The following EXD1 variants were observed in gnomAD, a reference collection of about 807,000 sequenced individuals.
EXD1 encodes the protein exonuclease 3'-5' domain containing 1, also known as piRNA biogenesis protein EXD1.
Under a neutral mutation model 49.1 loss-of-function variants are expected in EXD1, and 63 were observed. That is an observed-to-expected ratio of 1.28 (90% CI 1.05 to 1.58). The LOEUF (loss-of-function observed/expected upper bound fraction) is 1.58. Ranked by LOEUF, EXD1 falls within the 40% of genes most tolerant of loss-of-function variation. The pLI, the probability that EXD1 is intolerant of heterozygous loss-of-function variation, is 0.00. For missense variants in EXD1, 748 were observed against 666.0 expected, an observed-to-expected ratio of 1.12 and a Z score of -1.36; for synonymous variants, 234 against 239.2, an observed-to-expected ratio of 0.98 and a Z score of 0.20.
At chr15:41,189,183 C>T (rs1279539941) in intron 11 of EXD1, among the ~76,000 whole-genome samples, 1 of 151,990 alleles carries the variant, frequency 6.6e-6, no homozygotes, top group Non-Finnish European at 1.5e-5. Flanking sequence ...GCCTGGCCAA[C>T]ATGGTAAAAC....
chr15:41,205,332 C>A (rs8038834), intron 7 of EXD1, among the ~76,000 whole-genome samples: 40,978 of 152,074 alleles, frequency 0.27, 7,446 homozygotes, highest in African/African-American at 0.51. Flanking sequence ...TTGGCAGAAT[C>A]GTGTTTTTGT....
intron 3 of EXD1, among the ~76,000 whole-genome samples, chr15:41,218,710 C>T (rs925699062): frequency 1.1e-4 from 16 of 152,110 alleles, no homozygotes; most frequent in African/African-American, 3.9e-4. Flanking sequence ...AGTGAAAACA[C>T]AATTAAGAAC....
chr15:41,216,078 G>A (rs1421409884), intron 5 of EXD1, among the ~76,000 whole-genome samples: 3 of 151,914 alleles, frequency 2.0e-5, no homozygotes, highest in African/African-American at 4.8e-5. Flanking sequence ...AGTAAGGGGA[G>A]GGATACCATA....
At position 41,190,114 on chromosome 15, in the gene EXD1, T is replaced by C. The variant is rs2046484694; in HGVS notation, c.879A>G (p.Val293=). ...RQKLIQENPE[V]WFIRPVSPSL... ...AGGGTGAAACAGGTCGGATGAACCA[T>C]ACTTCTGGATTTTCCTGGAGACAAT... Residue 293 remains valine (V), a synonymous_variant, in exon 11 of 12, where the codon GTA becomes GTG. Coordinates refer to ENST00000458580, the MANE Select transcript of EXD1 (RefSeq NM_001286441.2). 11 of 1,614,122 alleles carry C rather than the reference T, an allele frequency of 6.8e-6. No homozygotes were observed. Among genetic ancestry groups the C allele is most frequent in the East Asian group, 2.2e-5 (1 of 44,884 alleles).
intron 7 of EXD1, among the ~76,000 whole-genome samples, chr15:41,199,593 TTA>T (rs398118787): frequency 8.1e-6 from 1 of 124,144 alleles, no homozygotes; most frequent in Non-Finnish European, 1.6e-5. Flanking sequence ...ATAATTTGTT[TTA>T]TATATATTAT....
chr15:41,186,212 C>A (rs1257580196), intron 11 of EXD1, among the ~76,000 whole-genome samples: 2 of 152,054 alleles, frequency 1.3e-5, no homozygotes, highest in Non-Finnish European at 2.9e-5. Flanking sequence ...TGGCTCACGC[C>A]TGTAATCCCA....
intron 1 of EXD1, among the ~76,000 whole-genome samples, chr15:41,228,744 G>A (rs1214240451): frequency 1.3e-5 from 2 of 152,070 alleles, no homozygotes; most frequent in Non-Finnish European, 2.9e-5. Context: ...CTGTCGCCAG[G>A]CTGGAGTGCA....
chr15:41,215,598 A>C (rs1298433620), intron 6 of EXD1, among the ~76,000 whole-genome samples, 177 bp downstream of exon 6: 2 of 151,960 alleles, frequency 1.3e-5, no homozygotes, highest in Non-Finnish European at 2.9e-5. Context: ...AGGCAGGAGA[A>C]GGGTGTGAAC....
At position 41,201,778 on chromosome 15, in the gene EXD1, G is replaced by A. The variant is rs748256521; in HGVS notation, c.535-5741C>T. Among the ~76,000 whole-genome samples, 10 of 151,980 alleles carry A rather than the reference G, an allele frequency of 6.6e-5. No individual in the cohort carries two copies. In the South Asian group the frequency reaches 1.4e-3, roughly 22 times the overall value. ...GCTTGGATTAGAGGCCTGAGTCACC[G>A]TGCCCAGCTAAGATTGCTTCTAATC... On this transcript the variant is annotated intron_variant, in intron 7 of 11. Coordinates refer to ENST00000458580, the MANE Select transcript of EXD1 (RefSeq NM_001286441.2).
intron 2 of EXD1, among the ~76,000 whole-genome samples, chr15:41,220,203 T>C (rs1011542345): frequency 5.9e-5 from 9 of 151,848 alleles, no homozygotes. Flanking sequence ...TTAAGAACTA[T>C]CTATTAATTA....
At chr15:41,188,177 C>T (rs1383498596) in intron 11 of EXD1, among the ~76,000 whole-genome samples, 1 of 149,590 alleles carries the variant, frequency 6.7e-6, no homozygotes, top group African/African-American at 2.5e-5. Flanking sequence ...ACTTCTACTA[C>T]TTTTTTTTTT....
rs533352881 is a variant in EXD1, at chr15:41,226,107, C to T, written c.133+336G>A. On this transcript the variant is annotated intron_variant, in intron 2 of 11. Transcript: ENST00000458580. ...CTCTACTAAAAATACAAAAAATTTGCTGGGAGTGGTGGCGGGTGTCTGTAG... is the reference window on the plus strand; with the variant it reads ...CTCTACTAAAAATACAAAAAATTTGTTGGGAGTGGTGGCGGGTGTCTGTAG... 8.6e-5 allele frequency among the ~76,000 whole-genome samples: 13 copies of T among 150,902 alleles called. No homozygotes were observed. In the South Asian group the frequency reaches 2.7e-3, roughly 32 times the overall value.
Position 41,191,555 on chromosome 15 carries a change from T to G in EXD1, c.751A>C (p.Thr251Pro). 6.2e-7 allele frequency: 1 copy of G among 1,614,058 alleles called. No homozygotes were observed. The highest frequency in any genetic ancestry group is 8.5e-7 in the Non-Finnish European group (1 of 1,180,018). Residue 251 changes from threonine to proline, a missense_variant, in exon 10 of 12, where the codon ACG becomes CCG. By Grantham distance (38) the Thr-to-Pro change is conservative (BLOSUM62 -1). Transcript: ENST00000458580. ...VADVLQFSME[T>P]GGYLPNCITT... ...ATGCAGTTTGGAAGATAGCCACCCG[T>G]TTCCATGGAAAACTGAAGTACATCT... is the stretch of plus-strand genomic sequence containing the variant.
Position 41,219,899 on chromosome 15 carries a change from C to T in EXD1, c.134-1G>A. On this transcript the variant is annotated splice_acceptor_variant, in intron 2 of 11. Transcript: ENST00000458580. LOFTEE classifies it high-confidence loss of function. ...CTTCGACCTGTCTCCACATTCTTCACTGTTACAGAAAACAATTCATTCAGT... is the reference window on the plus strand; with the variant it reads ...CTTCGACCTGTCTCCACATTCTTCATTGTTACAGAAAACAATTCATTCAGT... 1 of 1,533,438 alleles carries T rather than the reference C, an allele frequency of 6.5e-7. No individual in the cohort carries two copies. The highest frequency in any genetic ancestry group is 8.7e-7 in the Non-Finnish European group (1 of 1,145,776). 95.0% of individuals were successfully genotyped at this position (1,533,438 alleles called of 1,614,324 possible). A position where few individuals can be genotyped will look rare whatever the true frequency, so the allele number is the denominator to read the frequency against.
At position 41,191,425 on chromosome 15, in the gene EXD1, A is replaced by T. The variant is rs199958393; in HGVS notation, c.864+17T>A. 6.3e-4 allele frequency: 909 copies of T among 1,448,920 alleles called. 3 individuals are homozygous for T. In the African/African-American group the frequency reaches 0.02, roughly 32 times the overall value. The allele number at this position is 1,448,920 out of a possible 1,614,324, so 89.8% of individuals were successfully genotyped here. ...TTGAAAAAAAATAATGTCATACAGG[A>T]CATCCTTTACACCCACCTGAATTAG... On this transcript the variant is annotated intron_variant, in intron 10 of 11. Transcript: ENST00000458580.
At chr15:41,213,047 A>T (rs557998769) in intron 6 of EXD1, among the ~76,000 whole-genome samples, 23 of 151,816 alleles carry the variant, frequency 1.5e-4, no homozygotes, top group South Asian at 1.5e-3. Context: ...TCTCAAAAAA[A>T]TTTTTTTTAA....
Position 41,195,968 on chromosome 15 carries a change from G to C in EXD1, c.604C>G (p.Leu202Val). The C allele has an allele frequency of 6.2e-7, 1 of 1,612,236 alleles. No homozygotes were observed. Among genetic ancestry groups the C allele is most frequent in the Non-Finnish European group, 8.5e-7 (1 of 1,179,592 alleles). ...CTCTTGTCTTCTAGTATCATCTGAA[G>C]TCCATTGTGGAAAGCTCGACTTCCC... ...LLGSRAFHNGLQMILEDKRIL... is the reference protein window; with the variant it reads ...LLGSRAFHNGVQMILEDKRIL... The change falls in exon 8 of 12, where the codon CTT becomes GTT. Residue 202 changes from leucine to valine, a missense_variant. Physicochemically the swap from Leu to Val is conservative, Grantham distance 32 (BLOSUM62 1). Transcript: ENST00000458580.
At chr15:41,215,961 AC>A in intron 5 of EXD1, 128 bp from the exon 6 acceptor site, 3 of 783,154 alleles carry the variant, frequency 3.8e-6, no homozygotes, top group Non-Finnish European at 6.6e-6. Flanking sequence ...TTGCAAAACC[AC>A]CCTCCCTACG....
In EXD1 at chr15:41,184,600, A is replaced by C; in HGVS notation, c.1057-7T>G. ...GCAGCTCCATACATGTAGGCTAAGA[A>C]GAGAAAGCGAACACAAGTTTATTAT... On this transcript the variant is annotated splice_polypyrimidine_tract_variant and splice_region_variant and intron_variant, in intron 11 of 11. Coordinates refer to ENST00000458580, the MANE Select transcript of EXD1 (RefSeq NM_001286441.2). The C allele has an allele frequency of 1.3e-6, 2 of 1,559,760 alleles. No homozygotes were observed. The highest frequency in any genetic ancestry group is 1.7e-6 in the Non-Finnish European group (2 of 1,159,020).
Sources: allele counts gnomAD v4.1 joint callset (sites outside exome capture counted in the v4.1 genomes callset), GRCh38; gene constraint gnomAD v4.1.1; transcripts MANE v1.5; gene names NCBI Gene and HGNC (gene_info 2026-07-23, HGNC 2026-07-21).